The following CEP112 variants were observed in gnomAD, a reference collection of about 807,000 sequenced individuals.
CEP112 encodes centrosomal protein of 112 kDa.
Under a neutral mutation model 153.0 loss-of-function variants are expected in CEP112, and 127 were observed. The observed-to-expected ratio is 0.83, with a 90% confidence interval of 0.72 to 0.96. CEP112 has a LOEUF of 0.96. Ranked by LOEUF, CEP112 falls within the 40% of genes least tolerant of loss-of-function variation. The pLI is 0.00. For synonymous variants in CEP112, 358 were observed against 374.4 expected, an observed-to-expected ratio of 0.96 and a Z score of 0.51; for missense variants, 1,089 against 1,101.2, an observed-to-expected ratio of 0.99 and a Z score of 0.16.
intron 21 of CEP112, among the ~76,000 whole-genome samples, chr17:65,812,805 ATT>A (rs1371686237): frequency 6.6e-6 from 1 of 152,232 alleles, no homozygotes; most frequent in Non-Finnish European, 1.5e-5. Context: ...ACTGACAAAA[ATT>A]TCTACAGATG....
chr17:65,925,988 G>A (rs1452673336), intron 19 of CEP112, among the ~76,000 whole-genome samples: 1 of 151,912 alleles, frequency 6.6e-6, no homozygotes, highest in Non-Finnish European at 1.5e-5. Context: ...AAAAATTAAT[G>A]GTAATCTTAA....
At chr17:65,870,017 GA>G (rs1447048891) in intron 20 of CEP112, among the ~76,000 whole-genome samples, 1 of 34,154 alleles carries the variant, frequency 2.9e-5, no homozygotes, top group African/African-American at 1.0e-4. Flanking sequence ...TAGAGAATAA[GA>G]AAGAAAGAAA....
At chr17:66,162,885 T>A (rs1184430626) in intron 4 of CEP112, among the ~76,000 whole-genome samples, 1 of 152,166 alleles carries the variant, frequency 6.6e-6, no homozygotes, top group East Asian at 1.9e-4. Flanking sequence ...TGTCTTGTTG[T>A]ATGTGTGTTG....
intron 17 of CEP112, among the ~76,000 whole-genome samples, chr17:65,962,084 A>C (rs1414898950): frequency 6.6e-6 from 1 of 152,218 alleles, no homozygotes; most frequent in Non-Finnish European, 1.5e-5. Context: ...AAAGTACCTT[A>C]GTAGTTGCTA....
At chr17:65,816,155 TA>T (rs1256889626) in intron 21 of CEP112, among the ~76,000 whole-genome samples, 2 of 151,580 alleles carry the variant, frequency 1.3e-5, no homozygotes, top group Non-Finnish European at 3.0e-5. Flanking sequence ...AAAAAGTTTT[TA>T]AAAAACATTT....
intron 6 of CEP112, among the ~76,000 whole-genome samples, chr17:66,128,995 T>G (rs2069996664): frequency 6.6e-6 from 1 of 152,182 alleles, no homozygotes; most frequent in Non-Finnish European, 1.5e-5. Context: ...AATTACAAAT[T>G]ATTTTTATAA....
At chr17:66,091,252 C>G (rs1250272042) in intron 8 of CEP112, among the ~76,000 whole-genome samples, 1 of 152,032 alleles carries the variant, frequency 6.6e-6, no homozygotes, top group African/African-American at 2.4e-5. Context: ...TTCTTCTCAA[C>G]CAAATGTGAA....
intron 20 of CEP112, among the ~76,000 whole-genome samples, chr17:65,866,840 G>C (rs1428466663): frequency 6.6e-6 from 1 of 152,120 alleles, no homozygotes; most frequent in Non-Finnish European, 1.5e-5. Context: ...TCTCCTCTGA[G>C]CTGTTCTATT....
intron 21 of CEP112, among the ~76,000 whole-genome samples, chr17:65,789,436 C>A (rs2054472206): frequency 6.6e-6 from 1 of 152,146 alleles, no homozygotes; most frequent in Non-Finnish European, 1.5e-5. Flanking sequence ...ATTAAAGAAG[C>A]AATTTTCATT....
intron 23 of CEP112, among the ~76,000 whole-genome samples, chr17:65,731,077 G>A (rs988254392): frequency 6.6e-5 from 10 of 152,150 alleles, no homozygotes; most frequent in Non-Finnish European, 1.5e-4. Context: ...TATTTCTAAC[G>A]TTTCCCCAAA....
At chr17:65,799,662 A>C (rs574691063) in intron 21 of CEP112, among the ~76,000 whole-genome samples, 6 of 152,358 alleles carry the variant, frequency 3.9e-5, no homozygotes, top group African/African-American at 1.2e-4. Context: ...CTGAGGAGGC[A>C]AAGGCAGTGA....
At chr17:65,685,667 A>ATTTTTTTTTTT (rs556118592) in intron 24 of CEP112, among the ~76,000 whole-genome samples, 3 of 105,318 alleles carry the variant, frequency 2.8e-5, no homozygotes, top group African/African-American at 1.1e-4. Flanking sequence ...AATAGTTCTA[A>ATTTTTTTTTTT]TTTTTTTTTT....
rs1196646939 is a variant in CEP112 at position 65,994,248 on chromosome 17, G to C, written c.1736+11442C>G. 2.0e-5 allele frequency among the ~76,000 whole-genome samples: 3 copies of C among 152,110 alleles called. No individual in the cohort carries two copies. The East Asian group carries it at 5.8e-4, about 29-fold the overall frequency. ...AATGTCACCATGCACTTTTTCCCTTGCATAGTTAGGCTTTCATTGAGTTGA... is the reference window on the plus strand; with the variant it reads ...AATGTCACCATGCACTTTTTCCCTTCCATAGTTAGGCTTTCATTGAGTTGA... On this transcript the variant is annotated intron_variant, in intron 17 of 26. Coordinates refer to ENST00000535342, the MANE Select transcript of CEP112 (RefSeq NM_001199165.4).
intron 23 of CEP112, among the ~76,000 whole-genome samples, chr17:65,728,089 A>C (rs2050283356): frequency 6.6e-6 from 1 of 152,246 alleles, no homozygotes; most frequent in Admixed American, 6.5e-5. Context: ...GGCTGCTCTC[A>C]GGCCACAACG....
At chr17:65,881,381 C>G (rs2146606560) in intron 20 of CEP112, among the ~76,000 whole-genome samples, 1 of 150,718 alleles carries the variant, frequency 6.6e-6, no homozygotes, top group African/African-American at 2.4e-5. Context: ...ACATTAACTT[C>G]AGAGGCAAAG....
chr17:65,804,125 A>C (rs970284515), intron 21 of CEP112, among the ~76,000 whole-genome samples: 1 of 152,196 alleles, frequency 6.6e-6, no homozygotes, highest in Non-Finnish European at 1.5e-5. Flanking sequence ...CATGTTTTAA[A>C]AAACGAGTTG....
chr17:66,083,014 T>G (rs1598314630), intron 8 of CEP112, among the ~76,000 whole-genome samples: 1 of 152,276 alleles, frequency 6.6e-6, no homozygotes, highest in Non-Finnish European at 1.5e-5. Flanking sequence ...AGGCTAAATA[T>G]TTTAAGACTC....
chr17:65,938,966 C>A (rs2061431929), intron 18 of CEP112, among the ~76,000 whole-genome samples: 1 of 152,010 alleles, frequency 6.6e-6, no homozygotes, highest in Admixed American at 6.6e-5. Context: ...TGCTCGCCAC[C>A]ATGCCCAACT....
intron 6 of CEP112, among the ~76,000 whole-genome samples, chr17:66,098,866 C>G (rs1199603551): frequency 6.6e-6 from 1 of 152,092 alleles, no homozygotes; most frequent in East Asian, 1.9e-4. Context: ...ACCAAATCAG[C>G]AGAATTAGAT....
Sources: gnomAD v4.1 joint callset for allele counts (sites outside exome capture counted in the v4.1 genomes callset) on GRCh38, gnomAD v4.1.1 for gene constraint, MANE v1.5 for transcripts, NCBI Gene and HGNC (gene_info 2026-07-23, HGNC 2026-07-21) for gene names.